Variants in DOCK3 observed in about 807,000 individuals in gnomAD.
The protein encoded by DOCK3 is dedicator of cytokinesis protein 3.
Under a neutral mutation model 265.6 loss-of-function variants are expected in DOCK3, and 60 were observed. The ratio of observed to expected loss-of-function variants is 0.23; its 90% confidence interval spans 0.18 to 0.28. DOCK3 has a LOEUF of 0.28. Ranked by LOEUF, DOCK3 falls within the 10% of genes least tolerant of loss-of-function variation. DOCK3 has a pLI of 1.00. For missense variants in DOCK3, 1,981 were observed against 2,594.3 expected (o/e 0.76, Z 5.14); for synonymous variants, 881 against 938.0 (o/e 0.94, Z 1.11).
intron 5 of DOCK3, among the ~76,000 whole-genome samples, chr3:50,943,012 A>T (rs2076336355): frequency 1.3e-5 from 2 of 152,096 alleles, no homozygotes. Context: ...GGTACATAAA[A>T]TGTATCAGTA....
chr3:50,706,284 A>G lies in DOCK3; in HGVS notation c.37+30984A>G, dbSNP rs181349458. On this transcript the variant is annotated intron_variant, in intron 1 of 52. Coordinates refer to ENST00000266037, the MANE Select transcript of DOCK3 (RefSeq NM_004947.5). ...CCTTATGCATTTCTTTAGGGCCAGT[A>G]TAGTCGTTAATGAATTGTCTCAGTT... 3.3e-5 allele frequency among the ~76,000 whole-genome samples: 5 copies of G among 152,338 alleles called. No homozygotes were observed. The East Asian group carries it at 9.6e-4, about 29-fold the overall frequency.
At chr3:51,345,085 T>G (rs994692872) in intron 38 of DOCK3, among the ~76,000 whole-genome samples, 2 of 152,202 alleles carry the variant, frequency 1.3e-5, no homozygotes, top group African/African-American at 4.8e-5. Context: ...GATTGGCTCT[T>G]GGCAGGCTGG....
intron 5 of DOCK3, among the ~76,000 whole-genome samples, chr3:50,945,780 A>T (rs913143791): frequency 6.6e-6 from 1 of 152,206 alleles, no homozygotes; most frequent in African/African-American, 2.4e-5. Context: ...GGGGAATATC[A>T]TATAGTGGCT....
chr3:50,907,149 A>G (rs569189107), intron 4 of DOCK3, among the ~76,000 whole-genome samples: 1 of 152,100 alleles, frequency 6.6e-6, no homozygotes, highest in Non-Finnish European at 1.5e-5. Context: ...GTTGTTTTAC[A>G]TTTCCTGAGG....
At chr3:51,220,850 G>T (rs893455165) in intron 14 of DOCK3, among the ~76,000 whole-genome samples, 4 of 151,570 alleles carry the variant, frequency 2.6e-5, no homozygotes, top group Non-Finnish European at 5.9e-5. Flanking sequence ...TTGGGCCTTC[G>T]CACATTATTT....
intron 5 of DOCK3, among the ~76,000 whole-genome samples, chr3:50,934,347 C>A (rs2051239339): frequency 6.6e-6 from 1 of 152,094 alleles, no homozygotes; most frequent in African/African-American, 2.4e-5. Flanking sequence ...TTGTTGTGTC[C>A]CCAGATGCTT....
intron 9 of DOCK3, among the ~76,000 whole-genome samples, chr3:51,091,663 A>G (rs1363381337): frequency 7.0e-6 from 1 of 143,050 alleles, no homozygotes; most frequent in African/African-American, 2.6e-5. Flanking sequence ...AGCCCAGCTG[A>G]CAGTGTGAGA....
chr3:50,906,248 G>C (rs528646793), intron 4 of DOCK3, among the ~76,000 whole-genome samples: 1 of 152,138 alleles, frequency 6.6e-6, no homozygotes, highest in Admixed American at 6.5e-5. Context: ...TCTCTGTCAG[G>C]CTTTGGTATC....
rs552775419 is a variant in DOCK3, at chr3:51,018,107, G to A, written c.316-46341G>A. Among the ~76,000 whole-genome samples the A allele has an allele frequency of 5.9e-5, 9 of 151,650 alleles. 1 individual carries two copies. The South Asian group carries it at 1.9e-3, about 32-fold the overall frequency. On this transcript the variant is annotated intron_variant, in intron 5 of 52. Transcript: ENST00000266037. ...GGGTTTCACTATGTTGGCCAGGCTG[G>A]TCTTGATCTCCTGACCTCAAGTGAT... is the stretch of plus-strand genomic sequence containing the variant.
intron 3 of DOCK3, among the ~76,000 whole-genome samples, chr3:50,867,180 T>C (rs2047183056): frequency 6.6e-6 from 1 of 152,200 alleles, no homozygotes; most frequent in Non-Finnish European, 1.5e-5. Flanking sequence ...TAATTTTATG[T>C]GTGGTTATTG....
intron 2 of DOCK3, among the ~76,000 whole-genome samples, chr3:50,783,055 G>T (rs9838283): frequency 6.6e-6 from 1 of 150,598 alleles, no homozygotes; most frequent in African/African-American, 2.5e-5. Context: ...ACCACCACAC[G>T]TTTTCTTTAT....
At chr3:51,014,049 G>A (rs1205997334) in intron 5 of DOCK3, among the ~76,000 whole-genome samples, 4 of 152,140 alleles carry the variant, frequency 2.6e-5, no homozygotes, top group African/African-American at 4.8e-5. Context: ...GCAGTGTCCC[G>A]ATTTTCCCGG....
At chr3:50,988,338 AC>A (rs34772276) in intron 5 of DOCK3, among the ~76,000 whole-genome samples, 1 of 151,794 alleles carries the variant, frequency 6.6e-6, no homozygotes, top group Non-Finnish European at 1.5e-5. Context: ...ATCAGGGACC[AC>A]CCCCCCACAA....
chr3:51,187,216 G>A (rs909105504), intron 12 of DOCK3, among the ~76,000 whole-genome samples: 1 of 152,234 alleles, frequency 6.6e-6, no homozygotes, highest in African/African-American at 2.4e-5. Flanking sequence ...TGACCTGGAT[G>A]TGAGACATGA....
intron 5 of DOCK3, among the ~76,000 whole-genome samples, chr3:51,048,816 T>C (rs889396352): frequency 3.3e-5 from 5 of 151,526 alleles, no homozygotes; most frequent in Admixed American, 6.6e-5. Flanking sequence ...TGAGCTGAGA[T>C]CGTGCCACTG....
intron 3 of DOCK3, among the ~76,000 whole-genome samples, chr3:50,859,858 C>T (rs2046819749): frequency 6.6e-6 from 1 of 152,208 alleles, no homozygotes; most frequent in African/African-American, 2.4e-5. Flanking sequence ...GCAATGTTCC[C>T]TCTCAATGCT....
intron 12 of DOCK3, among the ~76,000 whole-genome samples, chr3:51,166,916 C>G (rs1483307551): frequency 6.6e-6 from 1 of 152,034 alleles, no homozygotes; most frequent in Non-Finnish European, 1.5e-5. Context: ...CCATAGATTG[C>G]CTTTTTGTTT....
intron 27 of DOCK3, among the ~76,000 whole-genome samples, chr3:51,284,264 T>C (rs570297899): frequency 2.0e-5 from 3 of 152,164 alleles, no homozygotes; most frequent in Non-Finnish European, 2.9e-5. Context: ...ATTGCAGTTT[T>C]ATGTGAGCAC....
chr3:51,375,789 A>G lies in DOCK3; in HGVS notation c.5454A>G (p.Gly1818=), dbSNP rs2088071908. 6.2e-7 allele frequency: 1 copy of G among 1,613,964 alleles called. No homozygotes were observed. The highest frequency in any genetic ancestry group is 8.5e-7 in the Non-Finnish European group (1 of 1,179,880). Residue 1818 remains glycine (G), a synonymous_variant, in exon 51 of 53, where the codon GGA becomes GGG. Coordinates refer to ENST00000266037, the MANE Select transcript of DOCK3 (RefSeq NM_004947.5). ...GAGCCCTGTTCCAGCAAGTGGTCGG[A>G]GCCTGCAAACCCTGCAGTGATCCCA... ...FQRALFQQVV[G]ACKPCSDPNL...
Sources: gnomAD v4.1 joint callset for allele counts (sites outside exome capture counted in the v4.1 genomes callset) on GRCh38, gnomAD v4.1.1 for gene constraint, MANE v1.5 for transcripts, NCBI Gene and HGNC (gene_info 2026-07-23, HGNC 2026-07-21) for gene names.